The following NWD2 variants were observed in gnomAD, a reference collection of about 807,000 sequenced individuals.
NWD2 encodes NACHT and WD repeat domain containing 2, also known as NACHT and WD repeat domain-containing protein 2.
NWD2 carries 37 observed loss-of-function variants against 132.7 expected under a neutral mutation model. That is an observed-to-expected ratio of 0.28 (90% CI 0.21 to 0.37). The LOEUF (loss-of-function observed/expected upper bound fraction) is 0.37. Ranked by LOEUF, NWD2 falls within the 10% of genes least tolerant of loss-of-function variation. NWD2 has a pLI of 1.00. For missense variants in NWD2, 1,592 were observed against 2,122.4 expected (o/e 0.75, Z 4.91); for synonymous variants, 705 against 803.0 (o/e 0.88, Z 2.06).
At chr4:37,370,017 G>A (rs768262877) in intron 3 of NWD2, among the ~76,000 whole-genome samples, 4 of 152,116 alleles carry the variant, frequency 2.6e-5, no homozygotes, top group African/African-American at 4.8e-5. Context: ...GCATCTGTGC[G>A]GGATGTGCAG....
Position 37,443,379 on chromosome 4 carries a change from G to A in NWD2, c.1391G>A (p.Arg464Lys), listed in dbSNP as rs2109330864. Reference sequence around the variant, plus strand: ...ACGACAGACATGAGCTCTGACCTTAGGACTCTCCTTCTAAGTGTTTGTGAA... The same window carrying A: ...ACGACAGACATGAGCTCTGACCTTAAGACTCTCCTTCTAAGTGTTTGTGAA... ...LGTTDMSSDLRTLLLSVCEQL... is the reference protein window; with the variant it reads ...LGTTDMSSDLKTLLLSVCEQL... The change falls in exon 7 of 7, where the codon AGG (arginine) becomes AAG (lysine). Residue 464 changes from arginine to lysine, a missense_variant. By Grantham distance (26) the Arg-to-Lys change is conservative. Around this residue, in one of 7 missense-constraint regions of NWD2, gnomAD observed 1,071 missense variants for 1,398.0 expected, o/e 0.77. Transcript: ENST00000309447. This position sits in a 1 kb window ranked among gnomAD's most constrained non-coding sequence, Gnocchi z 4.1. 1.3e-6 allele frequency: 2 copies of A among 1,551,968 alleles called. No homozygotes were observed. The highest frequency in any genetic ancestry group is 1.7e-6 in the Non-Finnish European group (2 of 1,147,064).
At chr4:37,305,202 T>C (rs1221904649) in intron 1 of NWD2, among the ~76,000 whole-genome samples, 1 of 152,202 alleles carries the variant, frequency 6.6e-6, no homozygotes, top group African/African-American at 2.4e-5. Flanking sequence ...GCCAAGTACC[T>C]AAGCTGCACA....
Position 37,439,267 on chromosome 4 carries a change from T to A in NWD2, c.1173T>A (p.Cys391Ter), listed in dbSNP as rs1225354856. The change falls in exon 6 of 7, where the codon TGT (cysteine) becomes TGA (stop). Residue 391 changes from cysteine to a stop codon, truncating the protein, a stop_gained. Coordinates refer to ENST00000309447, the MANE Select transcript of NWD2 (RefSeq NM_001144990.2). LOFTEE classifies it high-confidence loss of function. This position sits in a 1 kb window ranked among gnomAD's most constrained non-coding sequence, Gnocchi z 4.5. Reference protein sequence around the residue: ...KTYASFYEYKCESLNIVHNYI... With the variant: ...KTYASFYEYK ...ACGCCTCCTTCTATGAGTACAAATG[T>A]GAATCTCTAAACATAGTGCATAACT... The A allele has an allele frequency of 6.4e-7, 1 of 1,551,156 alleles. No individual in the cohort carries two copies. The highest frequency in any genetic ancestry group is 1.2e-5 in the South Asian group (1 of 84,002).
chr4:37,305,805 C>T (rs761846674), intron 1 of NWD2, among the ~76,000 whole-genome samples: 3 of 151,970 alleles, frequency 2.0e-5, no homozygotes, highest in Admixed American at 2.0e-4. Context: ...TGTCTTTGTG[C>T]TGTTTTGATA....
chr4:37,274,256 C>T (rs1717939950), intron 1 of NWD2, among the ~76,000 whole-genome samples: 1 of 152,040 alleles, frequency 6.6e-6, no homozygotes, highest in Non-Finnish European at 1.5e-5. Context: ...GATATCACCA[C>T]CGATCCCACA....
intron 1 of NWD2, among the ~76,000 whole-genome samples, chr4:37,287,420 C>T (rs1718258112): frequency 6.6e-6 from 1 of 152,202 alleles, no homozygotes; most frequent in Non-Finnish European, 1.5e-5. Context: ...GGGTGGCATC[C>T]ATCTCTATAG....
At chr4:37,420,629 G>T (rs1259050634) in intron 3 of NWD2, among the ~76,000 whole-genome samples, 1 of 152,220 alleles carries the variant, frequency 6.6e-6, no homozygotes, top group East Asian at 1.9e-4. Context: ...GTTGCAGTGA[G>T]CTGAGATCGC....
chr4:37,351,598 T>C (rs1719764488), intron 2 of NWD2, among the ~76,000 whole-genome samples: 1 of 151,558 alleles, frequency 6.6e-6, no homozygotes, highest in South Asian at 2.1e-4. Context: ...TAGCAGTCTA[T>C]CAATTTTGTT....
intron 3 of NWD2, among the ~76,000 whole-genome samples, chr4:37,421,277 T>G (rs984264047): frequency 6.6e-6 from 1 of 152,222 alleles, no homozygotes; most frequent in Non-Finnish European, 1.5e-5. Flanking sequence ...CTGCCAGGAT[T>G]AGGGTTGTAA....
At chr4:37,355,121 T>A (rs1719846814) in intron 2 of NWD2, among the ~76,000 whole-genome samples, 1 of 152,158 alleles carries the variant, frequency 6.6e-6, no homozygotes, top group Non-Finnish European at 1.5e-5. Context: ...ATTTTTTAAT[T>A]TTTACTAATT....
intron 3 of NWD2, among the ~76,000 whole-genome samples, chr4:37,376,697 T>G (rs551130668): frequency 5.3e-5 from 8 of 152,224 alleles, no homozygotes; most frequent in African/African-American, 1.9e-4. Context: ...TCATGTTTAT[T>G]GTCAGTATTA....
At chr4:37,348,669 T>TACACAC (rs1457233504) in intron 2 of NWD2, among the ~76,000 whole-genome samples, 17 of 73,612 alleles carry the variant, frequency 2.3e-4, no homozygotes, top group African/African-American at 8.8e-4. Context: ...TATATATATA[T>TACACAC]ATATATACAC....
chr4:37,282,488 C>T (rs1718147818), intron 1 of NWD2, among the ~76,000 whole-genome samples: 1 of 152,198 alleles, frequency 6.6e-6, no homozygotes, highest in African/African-American at 2.4e-5. Context: ...AACTGTCTCC[C>T]TGTTAAATAA....
intron 3 of NWD2, among the ~76,000 whole-genome samples, chr4:37,395,809 A>G (rs2109313566): frequency 6.6e-6 from 1 of 151,380 alleles, no homozygotes; most frequent in East Asian, 2.0e-4. Context: ...CCTGTTGCCC[A>G]GGCTGGAGTG....
intron 3 of NWD2, among the ~76,000 whole-genome samples, chr4:37,388,591 AAT>A: frequency 6.9e-6 from 1 of 145,712 alleles, no homozygotes; most frequent in Non-Finnish European, 1.5e-5. Flanking sequence ...TATTGTGGGA[AAT>A]ATATATTTCT....
At chr4:37,279,139 A>C (rs1209151025) in intron 1 of NWD2, among the ~76,000 whole-genome samples, 1 of 152,176 alleles carries the variant, frequency 6.6e-6, no homozygotes, top group Admixed American at 6.5e-5. Flanking sequence ...TATCTGTGGC[A>C]AGTTCCTTTA....
At chr4:37,380,628 C>CA (rs535813716) in intron 3 of NWD2, among the ~76,000 whole-genome samples, 13 of 149,696 alleles carry the variant, frequency 8.7e-5, no homozygotes, top group South Asian at 6.3e-4. Context: ...AATCACAAGC[C>CA]AAAAAAAAAG....
chr4:37,407,621 C>T (rs959726837), intron 3 of NWD2, among the ~76,000 whole-genome samples: 2 of 152,198 alleles, frequency 1.3e-5, no homozygotes, highest in Non-Finnish European at 2.9e-5. Context: ...AAACTTAAGA[C>T]AATGTATAGA....
At chr4:37,419,429 A>C (rs1007270704) in intron 3 of NWD2, among the ~76,000 whole-genome samples, 2 of 152,230 alleles carry the variant, frequency 1.3e-5, no homozygotes, top group Admixed American at 1.3e-4. Context: ...GAGCTTCTGC[A>C]CAGCAAAAGA....
Sources: allele counts gnomAD v4.1 joint callset (sites outside exome capture counted in the v4.1 genomes callset), GRCh38; gene constraint gnomAD v4.1.1; regional missense constraint gnomAD v4.1.1; non-coding constraint Gnocchi (gnomAD v3.1); transcripts MANE v1.5; gene names NCBI Gene and HGNC (gene_info 2026-07-23, HGNC 2026-07-21).